Variants in GABRB1 observed in about 807,000 individuals in gnomAD.
The protein encoded by GABRB1 is gamma-aminobutyric acid receptor subunit beta-1.
A neutral mutation model predicts 51.6 loss-of-function variants in GABRB1; 17 were observed. The observed-to-expected ratio is 0.33, with a 90% CI of 0.23 to 0.49. GABRB1 has a LOEUF of 0.49. GABRB1 is among the 20% of genes least tolerant of loss of function. The pLI is 0.99. For synonymous variants in GABRB1, 247 were observed against 218.9 expected (o/e 1.13, Z -1.14); for missense variants, 410 against 600.6 (o/e 0.68, Z 3.32).
chr4:47,066,945 T>C (rs1344942424), intron 3 of GABRB1, among the ~76,000 whole-genome samples: 1 of 152,196 alleles, frequency 6.6e-6, no homozygotes, highest in Non-Finnish European at 1.5e-5. Context: ...AGCTATAATA[T>C]TACAAAATGT....
chr4:47,011,188 G>T (rs1488975565), intron 1 of GABRB1, among the ~76,000 whole-genome samples: 2 of 152,120 alleles, frequency 1.3e-5, no homozygotes, highest in Admixed American at 6.5e-5. Flanking sequence ...AGCAGAAAAA[G>T]GTGGGAGGGC....
chr4:47,218,947 T>C (rs1720661120), intron 4 of GABRB1, among the ~76,000 whole-genome samples: 1 of 151,774 alleles, frequency 6.6e-6, no homozygotes, highest in African/African-American at 2.4e-5. Context: ...AAACCTCTAG[T>C]AGTGTGCATT....
At chr4:47,287,209 C>T (rs1723543863) in intron 4 of GABRB1, among the ~76,000 whole-genome samples, 1 of 152,110 alleles carries the variant, frequency 6.6e-6, no homozygotes, top group Non-Finnish European at 1.5e-5. Flanking sequence ...CAGGTTGCAC[C>T]CTATCATAAA....
At chr4:47,177,341 A>T (rs1192076334) in intron 4 of GABRB1, among the ~76,000 whole-genome samples, 1 of 152,142 alleles carries the variant, frequency 6.6e-6, no homozygotes, top group Non-Finnish European at 1.5e-5. Flanking sequence ...AAATGTGGGC[A>T]GAACTAGAGA....
chr4:47,312,949 C>T (rs1048900608), intron 4 of GABRB1, among the ~76,000 whole-genome samples: 6 of 152,192 alleles, frequency 3.9e-5, no homozygotes, highest in Admixed American at 1.3e-4. Flanking sequence ...ATCATGCCAC[C>T]TTCAGACATT....
chr4:47,042,161 A>G (rs560505989), intron 3 of GABRB1, among the ~76,000 whole-genome samples: 53 of 152,052 alleles, frequency 3.5e-4, no homozygotes, highest in African/African-American at 1.3e-3. Flanking sequence ...AACATTCACT[A>G]GAAATTTTTG....
At chr4:47,272,541 A>C (rs976281902) in intron 4 of GABRB1, among the ~76,000 whole-genome samples, 2 of 152,168 alleles carry the variant, frequency 1.3e-5, no homozygotes, top group Non-Finnish European at 2.9e-5. Context: ...TAAATTTTAA[A>C]AATTATAACT....
chr4:47,266,716 A>G (rs1367859180), intron 4 of GABRB1, among the ~76,000 whole-genome samples: 5 of 152,164 alleles, frequency 3.3e-5, no homozygotes, highest in Non-Finnish European at 7.4e-5. Flanking sequence ...AATTTAGAGA[A>G]TGTTCCATGC....
rs1000258918 is a variant in GABRB1, at chr4:47,188,756, C to G, written c.461+27287C>G. 1.1e-4 allele frequency among the ~76,000 whole-genome samples: 16 copies of G among 152,024 alleles called. 1 individual carries two copies. Among genetic ancestry groups the G allele is most frequent in the Admixed American group, 7.2e-4 (11 of 15,224 alleles). On this transcript the variant is annotated intron_variant, in intron 4 of 8. Coordinates refer to ENST00000295454, the MANE Select transcript of GABRB1 (RefSeq NM_000812.4). Reference sequence around the variant, plus strand: ...TTAATCAACTAACATGTTTAAAGATCACTGATAGTATCCAAAGAAAATATT... The same window carrying G: ...TTAATCAACTAACATGTTTAAAGATGACTGATAGTATCCAAAGAAAATATT...
intron 3 of GABRB1, among the ~76,000 whole-genome samples, chr4:47,089,512 A>ATCTC (rs148304420): frequency 2.0e-5 from 3 of 151,924 alleles, no homozygotes; most frequent in Admixed American, 6.6e-5. Flanking sequence ...ACGAGAGCAC[A>ATCTC]TCTCTCTCTC....
At chr4:47,282,658 A>G (rs937242174) in intron 4 of GABRB1, among the ~76,000 whole-genome samples, 1 of 152,230 alleles carries the variant, frequency 6.6e-6, no homozygotes, top group African/African-American at 2.4e-5. Flanking sequence ...TATTTTCTTT[A>G]CAAATCTTAA....
At chr4:47,314,743 T>G (rs1439145747) in intron 4 of GABRB1, among the ~76,000 whole-genome samples, 1 of 152,008 alleles carries the variant, frequency 6.6e-6, no homozygotes, top group Non-Finnish European at 1.5e-5. Flanking sequence ...GCTAGCCATA[T>G]CCAGAAGATT....
intron 4 of GABRB1, among the ~76,000 whole-genome samples, chr4:47,184,740 G>A (rs1719099741): frequency 6.6e-6 from 1 of 151,870 alleles, no homozygotes; most frequent in Non-Finnish European, 1.5e-5. Flanking sequence ...AAAACTTGGT[G>A]ATACAGATGG....
chr4:47,277,162 T>C (rs1374879668), intron 4 of GABRB1, among the ~76,000 whole-genome samples: 2 of 152,106 alleles, frequency 1.3e-5, no homozygotes, highest in Non-Finnish European at 2.9e-5. Flanking sequence ...AAAACATCAA[T>C]GGAGTACTAT....
intron 3 of GABRB1, among the ~76,000 whole-genome samples, chr4:47,058,703 C>T (rs1726723909): frequency 6.6e-6 from 1 of 152,132 alleles, no homozygotes; most frequent in Non-Finnish European, 1.5e-5. Flanking sequence ...ATATGTTTTA[C>T]ATATTGCAGT....
chr4:47,378,492 AG>A (rs1362566760), intron 5 of GABRB1, among the ~76,000 whole-genome samples: 5 of 152,200 alleles, frequency 3.3e-5, no homozygotes, highest in Non-Finnish European at 7.4e-5. Context: ...CAGCCCAGGA[AG>A]GGGCTCCCAC....
intron 4 of GABRB1, among the ~76,000 whole-genome samples, chr4:47,252,102 C>A (rs1220680194): frequency 2.0e-5 from 3 of 149,902 alleles, no homozygotes; most frequent in African/African-American, 7.4e-5. Flanking sequence ...GCTGCCCCCC[C>A]TCCTACTCCT....
chr4:47,226,975 G>T (rs377088876), intron 4 of GABRB1, among the ~76,000 whole-genome samples: 3 of 152,278 alleles, frequency 2.0e-5, no homozygotes, highest in African/African-American at 7.2e-5. Flanking sequence ...TTGAGGCATT[G>T]CTCCCATATT....
At chr4:47,343,927 C>T (rs1725994887) in intron 5 of GABRB1, among the ~76,000 whole-genome samples, 1 of 152,112 alleles carries the variant, frequency 6.6e-6, no homozygotes, top group South Asian at 2.1e-4. Flanking sequence ...TGTCAAAGAC[C>T]TTGAACTCAT....
Sources: allele counts gnomAD v4.1 joint callset (sites outside exome capture counted in the v4.1 genomes callset), GRCh38; gene constraint gnomAD v4.1.1; transcripts MANE v1.5; gene names NCBI Gene and HGNC (gene_info 2026-07-23, HGNC 2026-07-21).